MAP3K7CL: variants seen among roughly 807,000 people sequenced by gnomAD.
MAP3K7CL encodes the protein MAP3K7 C-terminal-like protein.
A neutral mutation model predicts 18.6 loss-of-function variants in MAP3K7CL; 16 were observed. The observed-to-expected ratio is 0.86, with a 90% confidence interval of 0.58 to 1.31. The LOEUF is 1.31. Ranked by LOEUF, MAP3K7CL falls within the 50% of genes most tolerant of loss-of-function variation. The pLI, the probability that MAP3K7CL is intolerant of heterozygous loss-of-function variation, is 0.00. For synonymous variants in MAP3K7CL, 65 were observed against 66.8 expected (o/e 0.97, Z 0.13); for missense variants, 163 against 174.4 (o/e 0.93, Z 0.37).
intron 4 of MAP3K7CL, among the ~76,000 whole-genome samples, chr21:29,114,445 C>A (rs996690737): frequency 2.0e-5 from 3 of 152,000 alleles, no homozygotes; most frequent in African/African-American, 7.3e-5. Context: ...GGCTGGAGGA[C>A]AGTGGTGCAA....
rs1185252086 is a variant in MAP3K7CL at position 29,086,334 on chromosome 21, G to GT, written c.57+418dup. Reference sequence around the variant, plus strand: ...CAGGAAAAATCATTGGCACATCTATGTGAGTTCCAGCTTGAAATGAACTTC... The same window carrying GT: ...CAGGAAAAATCATTGGCACATCTATGTTGAGTTCCAGCTTGAAATGAACTTC... On this transcript the variant is annotated intron_variant, in intron 1 of 6. Coordinates refer to the MAP3K7CL transcript ENST00000286791. Among the ~76,000 whole-genome samples the GT allele has an allele frequency of 3.9e-5, 6 of 152,332 alleles. No homozygotes were observed. In the South Asian group the frequency reaches 6.2e-4, roughly 16 times the overall value.
At chr21:29,161,846 G>A (rs911973491) in intron 4 of MAP3K7CL, among the ~76,000 whole-genome samples, 1 of 152,140 alleles carries the variant, frequency 6.6e-6, no homozygotes, top group African/African-American at 2.4e-5. Flanking sequence ...TGGGTTTTGG[G>A]GCCAGACTTC....
intron 2 of MAP3K7CL, among the ~76,000 whole-genome samples, chr21:29,142,666 G>A (rs1412800357): frequency 1.3e-5 from 2 of 152,152 alleles, no homozygotes; most frequent in Non-Finnish European, 2.9e-5. Flanking sequence ...TAGTGAAAAA[G>A]AATGAAAAAT....
At chr21:29,146,836 G>T (rs1324250694) in intron 2 of MAP3K7CL, among the ~76,000 whole-genome samples, 1 of 152,206 alleles carries the variant, frequency 6.6e-6, no homozygotes, top group Non-Finnish European at 1.5e-5. Context: ...CCCTTGAGGG[G>T]TTTGGTCAAA....
chr21:29,119,398 T>C (rs927003924), intron 4 of MAP3K7CL, among the ~76,000 whole-genome samples: 1 of 152,222 alleles, frequency 6.6e-6, no homozygotes, highest in African/African-American at 2.4e-5. Context: ...CTTTTCAATA[T>C]GGCATCAATC....
chr21:29,126,244 C>T (rs576182993), upstream of MAP3K7CL, among the ~76,000 whole-genome samples: 5 of 152,296 alleles, frequency 3.3e-5, no homozygotes, highest in Non-Finnish European at 5.9e-5. Flanking sequence ...GTCTGCAGGC[C>T]AAATCCAGGC....
At chr21:29,092,242 C>T (rs1020209069) in intron 3 of MAP3K7CL, 1 of 570,692 alleles carries the variant, frequency 1.8e-6, no homozygotes, top group African/African-American at 1.9e-5. Context: ...GGACTGGAAT[C>T]CAGGATTCTG....
At chr21:29,095,634 ATGT>A (rs1243066945) in intron 4 of MAP3K7CL, among the ~76,000 whole-genome samples, 3 of 152,256 alleles carry the variant, frequency 2.0e-5, no homozygotes, top group Non-Finnish European at 1.5e-5. Context: ...GTGAATACAA[ATGT>A]TGTAGCACAA....
chr21:29,143,726 C>A (rs2087060580), intron 2 of MAP3K7CL, among the ~76,000 whole-genome samples: 1 of 152,070 alleles, frequency 6.6e-6, no homozygotes, highest in Non-Finnish European at 1.5e-5. Flanking sequence ...CGTGGCCCAA[C>A]CTAAACACTT....
chr21:29,086,901 A>G (rs1330499512), intron 1 of MAP3K7CL, among the ~76,000 whole-genome samples: 1 of 152,122 alleles, frequency 6.6e-6, no homozygotes, highest in Non-Finnish European at 1.5e-5. Context: ...TGAGTGCTTT[A>G]TGCGTGTTAT....
chr21:29,174,539 G>T (rs2245023), intron 4 of MAP3K7CL, among the ~76,000 whole-genome samples, 173 bp from the exon 5 acceptor site: 90,393 of 152,030 alleles, frequency 0.59, 29,045 homozygotes, highest in Non-Finnish European at 0.72. Flanking sequence ...AGAATAAAGG[G>T]ATATAAAATT....
At chr21:29,120,991 C>T (rs561112960) in intron 4 of MAP3K7CL, among the ~76,000 whole-genome samples, 6 of 147,262 alleles carry the variant, frequency 4.1e-5, no homozygotes, top group East Asian at 2.0e-4. Context: ...ACTTGAGCCT[C>T]GGAGGTTGAG....
chr21:29,081,776 C>G (rs952293661), upstream of MAP3K7CL, among the ~76,000 whole-genome samples: 2 of 152,216 alleles, frequency 1.3e-5, no homozygotes, highest in Non-Finnish European at 2.9e-5. Context: ...TTGTTTTATG[C>G]AAGAAGCAGG....
chr21:29,158,767 T>TAG (rs74265523), intron 3 of MAP3K7CL, among the ~76,000 whole-genome samples: 2 of 152,044 alleles, frequency 1.3e-5, no homozygotes, highest in African/African-American at 2.4e-5. Context: ...AGTTTATATA[T>TAG]AGAGAGAGAC....
At chr21:29,169,174 C>T (rs112009983) in intron 4 of MAP3K7CL, among the ~76,000 whole-genome samples, 1 of 152,218 alleles carries the variant, frequency 6.6e-6, no homozygotes, top group Non-Finnish European at 1.5e-5. Context: ...CAAAGAATTG[C>T]CTGGCCCACA....
intron 4 of MAP3K7CL, among the ~76,000 whole-genome samples, chr21:29,117,218 G>C (rs1216263813): frequency 6.6e-6 from 1 of 151,992 alleles, no homozygotes; most frequent in African/African-American, 2.4e-5. Flanking sequence ...GAATTTTTCT[G>C]TTCCAGGAAA....
chr21:29,088,021 T>C (rs1293474081), intron 1 of MAP3K7CL, among the ~76,000 whole-genome samples: 3 of 152,220 alleles, frequency 2.0e-5, no homozygotes, highest in Non-Finnish European at 4.4e-5. Flanking sequence ...GATTGTATTT[T>C]AATCTACTCA....
At chr21:29,119,292 A>G (rs574646181) in intron 4 of MAP3K7CL, among the ~76,000 whole-genome samples, 3 of 152,198 alleles carry the variant, frequency 2.0e-5, no homozygotes, top group Non-Finnish European at 4.4e-5. Flanking sequence ...GGGCAGGCTA[A>G]ATTTTTGTTT....
intron 2 of MAP3K7CL, among the ~76,000 whole-genome samples, chr21:29,143,469 C>G (rs1453765947): frequency 6.6e-6 from 1 of 151,670 alleles, no homozygotes; most frequent in Non-Finnish European, 1.5e-5. Context: ...GTTGCCCAGG[C>G]TGGAGTACAG....
Sources: allele counts gnomAD v4.1 joint callset (sites outside exome capture counted in the v4.1 genomes callset), GRCh38; gene constraint gnomAD v4.1.1; transcripts MANE v1.5; gene names NCBI Gene and HGNC (gene_info 2026-07-23, HGNC 2026-07-21).